Variants in TOGARAM1 observed in about 807,000 individuals in gnomAD.
The protein encoded by TOGARAM1 is TOG array regulator of axonemal microtubules protein 1.
Under a neutral mutation model 166.6 loss-of-function variants are expected in TOGARAM1, and 100 were observed. The ratio of observed to expected loss-of-function variants is 0.60; its 90% CI spans 0.51 to 0.71. The LOEUF (loss-of-function observed/expected upper bound fraction) is 0.71, where lower values mean the gene tolerates loss of function less well. Among genes scored for constraint, TOGARAM1 ranks in the 30% least tolerant of loss-of-function variants. The pLI is 0.00. For synonymous variants in TOGARAM1, 758 were observed against 763.8 expected (o/e 0.99, Z 0.13); for missense variants, 2,029 against 2,102.7 (o/e 0.96, Z 0.69).
At chr14:45,026,208 A>G (rs1006938357) in intron 8 of TOGARAM1, among the ~76,000 whole-genome samples, 1 of 152,160 alleles carries the variant, frequency 6.6e-6, no homozygotes, top group Non-Finnish European at 1.5e-5. Flanking sequence ...CGTAATAATC[A>G]ATATAAATTA....
intron 14 of TOGARAM1, among the ~76,000 whole-genome samples, chr14:45,048,314 CAAAAA>C (rs1165258521): frequency 2.3e-5 from 1 of 43,752 alleles, no homozygotes; most frequent in Non-Finnish European, 5.0e-5. Flanking sequence ...GACTCCATCT[CAAAAA>C]AAAAAAAAAA....
chr14:45,019,270 C>T (rs778824536), intron 7 of TOGARAM1, among the ~76,000 whole-genome samples: 4 of 152,048 alleles, frequency 2.6e-5, no homozygotes, highest in Non-Finnish European at 5.9e-5. Context: ...TAATTTGGGC[C>T]CTCTTTACCA....
intron 14 of TOGARAM1, among the ~76,000 whole-genome samples, chr14:45,047,864 T>G (rs1882153090): frequency 1.3e-5 from 2 of 150,574 alleles, no homozygotes; most frequent in Non-Finnish European, 3.0e-5. Context: ...GAGACCAGCC[T>G]GCGAACATGG....
rs1883473785 is a variant in TOGARAM1, at chr14:45,073,474, T to A, written c.5235T>A (p.Asn1745Lys). The change falls in exon 20 of 20, where the codon AAT becomes AAA. Residue 1745 changes from asparagine to lysine, a missense_variant. By Grantham distance (94) the Asn-to-Lys change is moderately conservative. This residue lies in a region of TOGARAM1 where 576 missense variants were observed against 670.5 expected (regional missense o/e 0.86). Coordinates refer to ENST00000361462, the MANE Select transcript of TOGARAM1 (RefSeq NM_001308120.2). Reference sequence around the variant, plus strand: ...CACTCTTTGCACAGATGGGTCAGAATCTGTTAAATCAGGCTGCATCTCAAC... The same window carrying A: ...CACTCTTTGCACAGATGGGTCAGAAACTGTTAAATCAGGCTGCATCTCAAC... ...SKALFAQMGQ[N>K]LLNQAASQPP... is the part of the protein sequence containing the mutation. 33 of 1,614,118 alleles carry A rather than the reference T, an allele frequency of 2.0e-5. No homozygotes were observed. The highest frequency in any genetic ancestry group is 2.6e-5 in the Non-Finnish European group (31 of 1,180,024).
intron 7 of TOGARAM1, among the ~76,000 whole-genome samples, chr14:45,016,589 G>T (rs1880154935): frequency 6.6e-6 from 1 of 152,118 alleles, no homozygotes; most frequent in Non-Finnish European, 1.5e-5. Flanking sequence ...TGGAGGTGGG[G>T]GCTTGCTTTG....
At chr14:44,971,739 T>C (rs1885896156) in intron 1 of TOGARAM1, among the ~76,000 whole-genome samples, 2 of 152,192 alleles carry the variant, frequency 1.3e-5, no homozygotes, top group Admixed American at 6.5e-5. Flanking sequence ...TCTTGATACA[T>C]TGTATTTTCA....
At chr14:45,070,202 T>C (rs544768517) in intron 18 of TOGARAM1, among the ~76,000 whole-genome samples, 9 of 151,912 alleles carry the variant, frequency 5.9e-5, no homozygotes, top group Admixed American at 3.3e-4. Flanking sequence ...AAAAAAAGAT[T>C]ATCCGTCATG....
intron 1 of TOGARAM1, 171 bp from the exon 2 acceptor site, chr14:44,995,575 G>A: frequency 1.6e-6 from 1 of 638,460 alleles, no homozygotes. Flanking sequence ...GGAATGAAAA[G>A]TACTGTTGGT....
chr14:45,064,665 C>A (rs1027662477), intron 16 of TOGARAM1, among the ~76,000 whole-genome samples: 2 of 151,856 alleles, frequency 1.3e-5, no homozygotes, highest in African/African-American at 4.8e-5. Flanking sequence ...ATTTTTTGTA[C>A]AGATGAGGTC....
At chr14:45,044,033 G>A (rs944355228) in intron 12 of TOGARAM1, among the ~76,000 whole-genome samples, 3 of 151,902 alleles carry the variant, frequency 2.0e-5, no homozygotes, top group Non-Finnish European at 2.9e-5. Context: ...TTTTTGAAAC[G>A]GAGTCTTGCT....
intron 11 of TOGARAM1, among the ~76,000 whole-genome samples, chr14:45,041,263 T>C (rs1881711754): frequency 6.6e-6 from 1 of 151,778 alleles, no homozygotes; most frequent in African/African-American, 2.4e-5. Context: ...TAGCCGGCCA[T>C]GGTGGCACAT....
Position 44,964,114 on chromosome 14 carries a change from G to A in TOGARAM1, c.1693G>A (p.Val565Met). 1 of 1,614,240 alleles carries A rather than the reference G, an allele frequency of 6.2e-7. No individual in the cohort carries two copies. The highest frequency in any genetic ancestry group is 8.5e-7 in the Non-Finnish European group (1 of 1,180,032). ...TGAACTGCAAGATAATGGAGATGGAGTGATGAATGCTGTGCAGGCCAGATT... is the reference window on the plus strand; with the variant it reads ...TGAACTGCAAGATAATGGAGATGGAATGATGAATGCTGTGCAGGCCAGATT... ...TVELQDNGDG[V>M]MNAVQARLAR... is the part of the protein sequence containing the mutation. Residue 565 changes from valine (V) to methionine (M), a missense_variant, in exon 1 of 20, where the codon GTG (valine) becomes ATG (methionine). Coordinates refer to ENST00000361462, the MANE Select transcript of TOGARAM1 (RefSeq NM_001308120.2).
At position 44,963,638 on chromosome 14, in the gene TOGARAM1, C is replaced by G. The variant is rs778706808; in HGVS notation, c.1217C>G (p.Ser406Cys). Residue 406 changes from serine to cysteine, a missense_variant, in exon 1 of 20, where the codon TCT (serine) becomes TGT (cysteine). Transcript: ENST00000361462. ...ISLLYNLLDD[S>C]NFKVVHGTLE... The stretch of plus-strand genomic sequence containing the variant: ...TTGCTATATAATTTGTTAGACGATT[C>G]TAACTTCAAAGTGGTGCATGGCACA... The G allele has an allele frequency of 3.7e-6, 6 of 1,613,200 alleles. No individual in the cohort carries two copies. The highest frequency in any genetic ancestry group is 2.7e-5 in the African/African-American group (2 of 74,924).
At chr14:45,055,149 G>C (rs993236104) in intron 16 of TOGARAM1, among the ~76,000 whole-genome samples, 1 of 152,164 alleles carries the variant, frequency 6.6e-6, no homozygotes, top group African/African-American at 2.4e-5. Context: ...ATGTCCAGAA[G>C]AGTACTGCCT....
chr14:45,026,727 A>G (rs1433204907), intron 8 of TOGARAM1, among the ~76,000 whole-genome samples: 1 of 151,864 alleles, frequency 6.6e-6, no homozygotes, highest in African/African-American at 2.4e-5. Flanking sequence ...TGCCAGGTGC[A>G]GTGGCTCACT....
Position 44,963,228 on chromosome 14 carries a change from A to C in TOGARAM1, c.807A>C (p.Thr269=). 6.2e-7 allele frequency: 1 copy of C among 1,614,198 alleles called. No individual in the cohort carries two copies. Among genetic ancestry groups the C allele is most frequent in the East Asian group, 2.2e-5 (1 of 44,888 alleles). ...SLARKLGDQE[T]EEESETAFSA... ...CCCGAAAGCTTGGTGATCAGGAGAC[A>C]GAAGAAGAATCTGAGACAGCTTTCT... Residue 269 remains threonine, a synonymous_variant, in exon 1 of 20, where the codon ACA becomes ACC. Coordinates refer to ENST00000361462, the MANE Select transcript of TOGARAM1 (RefSeq NM_001308120.2).
chr14:45,050,496 A>C (rs1409581748), intron 14 of TOGARAM1, among the ~76,000 whole-genome samples: 2 of 151,720 alleles, frequency 1.3e-5, no homozygotes, highest in African/African-American at 2.4e-5. Context: ...CAAGCAGTCC[A>C]CCTACCTTGT....
intron 5 of TOGARAM1, chr14:45,006,868 T>C (rs1879472559): frequency 6.6e-6 from 1 of 152,166 alleles, no homozygotes; most frequent in South Asian, 2.1e-4. Context: ...CAAGCTTACT[T>C]ATCTTTATGA....
intron 4 of TOGARAM1, among the ~76,000 whole-genome samples, chr14:45,005,472 G>T (rs961950660): frequency 1.3e-5 from 2 of 151,984 alleles, no homozygotes; most frequent in Admixed American, 1.3e-4. Context: ...AAAATTAGCC[G>T]GGCTGATGGC....
Sources: allele counts gnomAD v4.1 joint callset (sites outside exome capture counted in the v4.1 genomes callset), GRCh38; gene constraint gnomAD v4.1.1; regional missense constraint gnomAD v4.1.1; transcripts MANE v1.5; gene names NCBI Gene and HGNC (gene_info 2026-07-23, HGNC 2026-07-21).